ABRA: variants seen among roughly 807,000 people sequenced by gnomAD.
ABRA encodes actin-binding Rho-activating protein.
In ABRA, 25 loss-of-function variants were observed where a neutral mutation model predicts 33.4. The observed-to-expected ratio is 0.75, with a 90% CI of 0.55 to 1.04. The LOEUF (loss-of-function observed/expected upper bound fraction) is 1.04. Ranked by LOEUF, ABRA falls within the 50% of genes least tolerant of loss-of-function variation. The pLI, the probability that ABRA is intolerant of heterozygous loss-of-function variation, is 0.00. For synonymous variants in ABRA, 193 were observed against 176.8 expected, an observed-to-expected ratio of 1.09 and a Z score of -0.73; for missense variants, 501 against 491.7, an observed-to-expected ratio of 1.02 and a Z score of -0.18.
rs1336344852 is a variant in ABRA, at chr8:106,759,963, A to G, written c.*1074T>C. On this transcript the variant is annotated 3_prime_UTR_variant, in exon 2 of 2. Transcript: ENST00000311955. ...TGCAGTTTTATGACTTAAACATTTC[A>G]TAAAGTTTTCTTTGTTACAGTATGA... 1.3e-5 allele frequency: 2 copies of G among 152,190 alleles called. No homozygotes were observed. The highest frequency in any genetic ancestry group is 2.9e-5 in the Non-Finnish European group (2 of 68,036). The allele number at this position is 152,190 out of a possible 1,614,324, so 9.4% of individuals were successfully genotyped here.
In ABRA at chr8:106,770,081, G is replaced by A. The variant is rs762870434; in HGVS notation, c.110C>T (p.Ala37Val). The A allele has an allele frequency of 9.9e-6, 16 of 1,613,910 alleles. No individual in the cohort carries two copies. The highest frequency in any genetic ancestry group is 2.2e-5 in the South Asian group (2 of 91,074). The change falls in exon 1 of 2, where the codon GCG becomes GTG. Residue 37 changes from alanine (A) to valine (V), a missense_variant. Coordinates refer to ENST00000311955, the MANE Select transcript of ABRA (RefSeq NM_139166.5). ...GGCCTGCCTGATGCTGTTCTCATTC[G>A]CCCACTGCTGCCAACCTCGGGCCAA... ...ISLARGWQQW[A>V]NENSIRQAQE...
intron 1 of ABRA, 91 bp from the exon 2 acceptor site, chr8:106,761,605 T>G: frequency 9.8e-7 from 1 of 1,022,360 alleles, no homozygotes; most frequent in Non-Finnish European, 1.4e-6. Context: ...TATGCATCTT[T>G]AATGTAAGTA....
chr8:106,761,731 C>T (rs1454859158), intron 1 of ABRA, among the ~76,000 whole-genome samples: 1 of 152,124 alleles, frequency 6.6e-6, no homozygotes, highest in African/African-American at 2.4e-5. Flanking sequence ...AGATTGTTTT[C>T]TCTATGAATA....
intron 1 of ABRA, among the ~76,000 whole-genome samples, chr8:106,763,077 T>C (rs1452042341): frequency 6.6e-6 from 1 of 152,156 alleles, no homozygotes; most frequent in Non-Finnish European, 1.5e-5. Context: ...CTCTCACAAT[T>C]TACTATTCAA....
rs1284299630 is a variant in ABRA, at chr8:106,770,022, G to A, written c.169C>T (p.Gln57Ter). 1.2e-6 allele frequency: 2 copies of A among 1,613,996 alleles called. No individual in the cohort carries two copies. The highest frequency in any genetic ancestry group is 2.2e-5 in the East Asian group (1 of 44,836). Residue 57 changes from glutamine (Q) to a stop codon, truncating the protein, a stop_gained, in exon 1 of 2, where the codon CAG (glutamine) becomes TAG (stop). Coordinates refer to ENST00000311955, the MANE Select transcript of ABRA (RefSeq NM_139166.5). LOFTEE classifies it high-confidence loss of function. ...EPTGWLPGGT[Q>*]DSPQAPKPIT... ...GGTTTAGGAGCTTGAGGTGAGTCCT[G>A]GGTCCCTCCCGGCAGCCAGCCTGTA...
chr8:106,768,578 T>C (rs1444310794), intron 1 of ABRA, among the ~76,000 whole-genome samples: 2 of 152,202 alleles, frequency 1.3e-5, no homozygotes, highest in African/African-American at 4.8e-5. Context: ...CCCAATACAA[T>C]AGAACTTCTC....
intron 1 of ABRA, among the ~76,000 whole-genome samples, chr8:106,762,486 A>G (rs538827137): frequency 2.0e-5 from 3 of 152,308 alleles, no homozygotes; most frequent in South Asian, 4.1e-4. Flanking sequence ...TAAAAAACCA[A>G]CTCTGGAAAG....
rs144057540 is a variant in ABRA at position 106,761,281 on chromosome 8, C to A, written c.902G>T (p.Arg301Leu). ...EGTKTAERAKRAEEHIYREMM... is the reference protein window; with the variant it reads ...EGTKTAERAKLAEEHIYREMM... The stretch of plus-strand genomic sequence containing the variant: ...TTCCCTGTAGATGTGCTCCTCAGCA[C>A]GCTTGGCCCTTTCAGCAGTTTTGGT... The change falls in exon 2 of 2, where the codon CGT (arginine) becomes CTT (leucine). Residue 301 changes from arginine to leucine, a missense_variant. Physicochemically the swap from Arg to Leu is moderately radical, Grantham distance 102. Coordinates refer to ENST00000311955, the MANE Select transcript of ABRA (RefSeq NM_139166.5). The A allele has an allele frequency of 6.2e-7, 1 of 1,614,228 alleles. No homozygotes were observed. The highest frequency in any genetic ancestry group is 8.5e-7 in the Non-Finnish European group (1 of 1,180,040).
intron 1 of ABRA, among the ~76,000 whole-genome samples, chr8:106,762,982 G>A (rs1238759178): frequency 6.6e-6 from 1 of 152,140 alleles, no homozygotes; most frequent in African/African-American, 2.4e-5. Context: ...GTAACAAGTG[G>A]CCTCATGCCT....
Position 106,765,181 on chromosome 8 carries a change from T to G in ABRA, c.669-3667A>C, listed in dbSNP as rs180921717. ...ATCCAGACCCACCTTCTCAGTTTCT[T>G]CATTATTAGTAAAAAAACTTTCTTA... On this transcript the variant is annotated intron_variant, in intron 1 of 1. Transcript: ENST00000311955. Among the ~76,000 whole-genome samples the G allele has an allele frequency of 2.6e-3, 390 of 152,328 alleles. 5 individuals carry two copies. Among genetic ancestry groups the G allele is most frequent in the Non-Finnish European group, 1.2e-3 (81 of 68,028 alleles).
In ABRA at chr8:106,769,751, A is replaced by G; in HGVS notation, c.440T>C (p.Ile147Thr). ...VLEPGQPEND[I>T]DRILHSHGSP... ...GCCGTGGCTGTGGAGGATTCTGTCA[A>G]TGTCATTCTCTGGCTGCCCAGGTTC... The change falls in exon 1 of 2, where the codon ATT (isoleucine) becomes ACT (threonine). Residue 147 changes from isoleucine to threonine, a missense_variant. Coordinates refer to ENST00000311955, the MANE Select transcript of ABRA (RefSeq NM_139166.5). The G allele has an allele frequency of 6.2e-7, 1 of 1,614,004 alleles. No homozygotes were observed. The highest frequency in any genetic ancestry group is 1.1e-5 in the South Asian group (1 of 91,082).
At position 106,770,070 on chromosome 8, in the gene ABRA, T is replaced by A; in HGVS notation, c.121A>T (p.Ser41Cys). The A allele has an allele frequency of 1.9e-6, 3 of 1,614,028 alleles. No homozygotes were observed. Among genetic ancestry groups the A allele is most frequent in the Non-Finnish European group, 1.7e-6 (2 of 1,179,934 alleles). ...GTAGGCTCCTGGGCCTGCCTGATGC[T>A]GTTCTCATTCGCCCACTGCTGCCAA... The part of the protein sequence containing the change: ...RGWQQWANEN[S>C]IRQAQEPTGW... The change falls in exon 1 of 2, where the codon AGC becomes TGC. Residue 41 changes from serine (S) to cysteine (C), a missense_variant. Coordinates refer to ENST00000311955, the MANE Select transcript of ABRA (RefSeq NM_139166.5).
chr8:106,768,517 G>T (rs1810540096), intron 1 of ABRA, among the ~76,000 whole-genome samples: 1 of 152,302 alleles, frequency 6.6e-6, no homozygotes, highest in Admixed American at 6.5e-5. Flanking sequence ...TTCGTGTATT[G>T]AGCATATGTG....
At chr8:106,765,832 C>G (rs913944675) in intron 1 of ABRA, among the ~76,000 whole-genome samples, 1 of 152,146 alleles carries the variant, frequency 6.6e-6, no homozygotes, top group Non-Finnish European at 1.5e-5. Flanking sequence ...AATACATTTG[C>G]ACCAAAACCC....
At chr8:106,769,408 C>G in intron 1 of ABRA, 115 bp downstream of exon 1, 2 of 1,413,778 alleles carry the variant, frequency 1.4e-6, no homozygotes, top group Non-Finnish European at 1.9e-6. Flanking sequence ...CCTGTCCAGT[C>G]TTTGAGATTC....
chr8:106,762,591 C>T (rs7834014), intron 1 of ABRA, among the ~76,000 whole-genome samples: 65,626 of 151,756 alleles, frequency 0.43, 15,380 homozygotes, highest in African/African-American at 0.61. Flanking sequence ...CATGTTCTCA[C>T]CTGTAAGTGG....
chr8:106,766,909 T>A (rs1256212224), intron 1 of ABRA, among the ~76,000 whole-genome samples: 1 of 152,212 alleles, frequency 6.6e-6, no homozygotes, highest in African/African-American at 2.4e-5. Context: ...TAACCATGAT[T>A]CAAATCTAAT....
rs865908791 is a variant in ABRA at position 106,761,463 on chromosome 8, G to C, written c.720C>G (p.Ser240Arg). Residue 240 changes from serine (S) to arginine (R), a missense_variant, in exon 2 of 2, where the codon AGC becomes AGG. Transcript: ENST00000311955. ...ATCTCCCTTTCAAGTTGCCCACTGG[G>C]CTATATTTCTGTTGGGCTTTGCAGT... is the stretch of plus-strand genomic sequence containing the variant. Reference protein sequence around the residue: ...KLNCKAQQKYSPVGNLKGRWQ... With the variant: ...KLNCKAQQKYRPVGNLKGRWQ... 8 of 1,614,158 alleles carry C rather than the reference G, an allele frequency of 5.0e-6. No individual in the cohort carries two copies. The highest frequency in any genetic ancestry group is 6.8e-6 in the Non-Finnish European group (8 of 1,180,042).
chr8:106,760,199 C>T lies in ABRA; in HGVS notation c.*838G>A, dbSNP rs1836115888. 6.6e-6 allele frequency: 1 copy of T among 152,186 alleles called. No homozygotes were observed. Among genetic ancestry groups the T allele is most frequent in the South Asian group, 2.1e-4 (1 of 4,828 alleles). The allele number at this position is 152,186 out of a possible 1,614,324, so 9.4% of individuals were successfully genotyped here. A position where few individuals can be genotyped will look rare whatever the true frequency, so the allele number is the denominator to read the frequency against. ...ACTTCTCCAAGAAGTCCTACAAAGG[C>T]AAGTAAATCTGAATCTCTCACCTCT... On this transcript the variant is annotated 3_prime_UTR_variant, in exon 2 of 2. Coordinates refer to ENST00000311955, the MANE Select transcript of ABRA (RefSeq NM_139166.5).
Sources: allele counts gnomAD v4.1 joint callset (sites outside exome capture counted in the v4.1 genomes callset), GRCh38; gene constraint gnomAD v4.1.1; transcripts MANE v1.5; gene names NCBI Gene and HGNC (gene_info 2026-07-23, HGNC 2026-07-21).